ADD3: variants seen among roughly 807,000 people sequenced by gnomAD.
The protein encoded by ADD3 is adducin 3.
Under a neutral mutation model 80.2 loss-of-function variants are expected in ADD3, and 25 were observed. That is an observed-to-expected ratio of 0.31 (90% CI 0.23 to 0.44). ADD3 has a LOEUF of 0.44. Ranked by LOEUF, ADD3 falls within the 20% of genes least tolerant of loss-of-function variation. ADD3 has a pLI of 1.00. For synonymous variants in ADD3, 284 were observed against 289.6 expected (o/e 0.98, Z 0.20); for missense variants, 829 against 847.5 (o/e 0.98, Z 0.27).
At chr10:110,034,798 G>A (rs1416271089) in intron 1 of ADD3, among the ~76,000 whole-genome samples, 1 of 152,200 alleles carries the variant, frequency 6.6e-6, no homozygotes, top group East Asian at 1.9e-4. Flanking sequence ...TGTGGATCTT[G>A]AATCATCCCC....
At chr10:110,071,739 A>G (rs1756737795) in intron 1 of ADD3, among the ~76,000 whole-genome samples, 1 of 152,230 alleles carries the variant, frequency 6.6e-6, no homozygotes, top group African/African-American at 2.4e-5. Flanking sequence ...TAGTTTGGCA[A>G]CCTTGAAGAT....
intron 1 of ADD3, among the ~76,000 whole-genome samples, chr10:110,013,438 A>G (rs965695431): frequency 1.1e-4 from 16 of 152,096 alleles, no homozygotes; most frequent in Admixed American, 6.6e-5. Context: ...ATGAAACTCA[A>G]TTTTTTCTGC....
chr10:110,003,636 C>A (rs867812627), upstream of ADD3, among the ~76,000 whole-genome samples: 2 of 152,152 alleles, frequency 1.3e-5, no homozygotes, highest in South Asian at 2.1e-4. Flanking sequence ...TGTTTAAGGT[C>A]ATATAACCAG....
chr10:110,008,784 T>A (rs4620656), intron 1 of ADD3, among the ~76,000 whole-genome samples: 134,379 of 151,510 alleles, frequency 0.89, 61,628 homozygotes, highest in East Asian at 1. Context: ...TTAAAAAAAA[T>A]TTTTTTTGTT....
At chr10:110,089,887 C>A (rs1390308352) in intron 1 of ADD3, among the ~76,000 whole-genome samples, 1 of 151,986 alleles carries the variant, frequency 6.6e-6, no homozygotes, top group Non-Finnish European at 1.5e-5. Context: ...ACTTTGTAAC[C>A]CTGCCCCTTG....
intron 1 of ADD3, among the ~76,000 whole-genome samples, chr10:110,032,065 T>C (rs1372782901): frequency 6.6e-6 from 1 of 152,176 alleles, no homozygotes. Flanking sequence ...CAGGAAGAGA[T>C]ACAAGAAGAG....
At chr10:110,041,071 T>C (rs576021704) in intron 1 of ADD3, among the ~76,000 whole-genome samples, 8 of 152,286 alleles carry the variant, frequency 5.3e-5, no homozygotes, top group South Asian at 2.1e-4. Context: ...TCCCTCGCTG[T>C]CTCTCTGTCT....
At chr10:110,002,422 C>T (rs551148872), upstream of ADD3, among the ~76,000 whole-genome samples, 5 of 152,046 alleles carry the variant, frequency 3.3e-5, no homozygotes, top group East Asian at 5.9e-4. Flanking sequence ...CACAGGCTCC[C>T]GCCCCCCACA....
At chr10:110,095,469 G>A (rs1374348790) in intron 1 of ADD3, among the ~76,000 whole-genome samples, 2 of 152,202 alleles carry the variant, frequency 1.3e-5, no homozygotes, top group African/African-American at 4.8e-5. Flanking sequence ...CATACAATAT[G>A]TGGTCCTTGG....
chr10:110,055,546 A>AT (rs57819139), intron 1 of ADD3, among the ~76,000 whole-genome samples: 6,608 of 151,536 alleles, frequency 0.044, 451 homozygotes, highest in African/African-American at 0.15. Flanking sequence ...TTTTTCCTTG[A>AT]TTTTTTTTTC....
At chr10:110,112,637 T>A in intron 2 of ADD3, 140 bp from the exon 3 acceptor site, 1 of 990,516 alleles carries the variant, frequency 1.0e-6, no homozygotes, top group African/African-American at 1.6e-5. Flanking sequence ...TTTTATTATT[T>A]TGTGTTTTAT....
chr10:110,097,843 C>T (rs1205205090), intron 1 of ADD3, among the ~76,000 whole-genome samples: 6 of 148,080 alleles, frequency 4.1e-5, no homozygotes, highest in Non-Finnish European at 5.9e-5. Flanking sequence ...GGTGTGATCT[C>T]GGCTCACTGC....
At chr10:110,091,175 C>A (rs1433954994) in intron 1 of ADD3, among the ~76,000 whole-genome samples, 3 of 152,052 alleles carry the variant, frequency 2.0e-5, no homozygotes, top group Non-Finnish European at 4.4e-5. Context: ...GTATTGTGAT[C>A]ATATAATATT....
chr10:110,086,803 T>C (rs1408327293), intron 1 of ADD3, among the ~76,000 whole-genome samples: 5 of 152,148 alleles, frequency 3.3e-5, no homozygotes, highest in Non-Finnish European at 5.9e-5. Flanking sequence ...GGTAGTTCTT[T>C]ACATCAGTGT....
intron 8 of ADD3, among the ~76,000 whole-genome samples, chr10:110,119,951 T>C (rs1590208881): frequency 1.3e-5 from 2 of 152,374 alleles, no homozygotes; most frequent in South Asian, 2.1e-4. Context: ...CCAGAAGTTA[T>C]ATGAAATTGC....
chr10:110,096,564 G>A (rs1265498592), intron 1 of ADD3, among the ~76,000 whole-genome samples: 2 of 152,072 alleles, frequency 1.3e-5, no homozygotes, highest in Non-Finnish European at 2.9e-5. Flanking sequence ...GCTTTTACCT[G>A]GACTCATTCA....
At chr10:110,066,751 C>T (rs914472512) in intron 1 of ADD3, among the ~76,000 whole-genome samples, 4 of 152,100 alleles carry the variant, frequency 2.6e-5, no homozygotes, top group African/African-American at 7.2e-5. Flanking sequence ...TTGACTATGA[C>T]TCTGAAATTC....
intron 1 of ADD3, among the ~76,000 whole-genome samples, chr10:110,085,820 C>T (rs985894853): frequency 2.6e-5 from 4 of 152,034 alleles, no homozygotes; most frequent in African/African-American, 9.7e-5. Flanking sequence ...AAGAAACAGA[C>T]TTGGGCCGGG....
At chr10:110,083,282 A>AG (rs1196032551) in intron 1 of ADD3, among the ~76,000 whole-genome samples, 1 of 152,162 alleles carries the variant, frequency 6.6e-6, no homozygotes, top group Non-Finnish European at 1.5e-5. Flanking sequence ...TGGAGATGAG[A>AG]GGGGAAAACA....
Sources: gnomAD v4.1 joint callset for allele counts (sites outside exome capture counted in the v4.1 genomes callset) on GRCh38, gnomAD v4.1.1 for gene constraint, MANE v1.5 for transcripts, NCBI Gene and HGNC (gene_info 2026-07-23, HGNC 2026-07-21) for gene names.